The following NR6A1 variants were observed in gnomAD, a reference collection of about 807,000 sequenced individuals.
The protein encoded by NR6A1 is nuclear receptor subfamily 6 group A member 1.
A neutral mutation model predicts 59.1 loss-of-function variants in NR6A1; 7 were observed. That is an observed-to-expected ratio of 0.12 (90% CI 0.07 to 0.22). The LOEUF (loss-of-function observed/expected upper bound fraction) is 0.22. Ranked by LOEUF, NR6A1 falls within the 10% of genes least tolerant of loss-of-function variation. NR6A1 has a pLI of 1.00. For missense variants in NR6A1, 468 were observed against 611.6 expected (o/e 0.77, Z 2.48); for synonymous variants, 243 against 236.1 (o/e 1.03, Z -0.27).
chr9:124,585,462 T>G (rs1834892586), intron 2 of NR6A1, among the ~76,000 whole-genome samples: 1 of 142,422 alleles, frequency 7.0e-6, no homozygotes, highest in Non-Finnish European at 1.5e-5. Context: ...GAGAATGGTG[T>G]AAACCCAGGA....
In NR6A1 at chr9:124,615,067, T is replaced by A. The variant is rs1345469282; in HGVS notation, c.143-60497A>T. ...ATTCCACTGAATGTTTCTATTCAGA[T>A]CAAGTTAATACAAAGTTGGAGAGCT... On this transcript the variant is annotated intron_variant, in intron 2 of 9. Transcript: ENST00000487099. Among the ~76,000 whole-genome samples the A allele has an allele frequency of 2.6e-5, 4 of 152,340 alleles. No individual in the cohort carries two copies. In the South Asian group the frequency reaches 8.3e-4, roughly 32 times the overall value.
chr9:124,565,343 C>A (rs1834208924), intron 2 of NR6A1, among the ~76,000 whole-genome samples: 1 of 152,156 alleles, frequency 6.6e-6, no homozygotes, highest in African/African-American at 2.4e-5. Flanking sequence ...ATGAGAATCG[C>A]TTGAACTCAG....
Position 124,771,060 on chromosome 9 carries a change from G to A in NR6A1, c.60C>T (p.Phe20=). 1 of 1,230,544 alleles carries A rather than the reference G, an allele frequency of 8.1e-7. No individual in the cohort carries two copies. The highest frequency in any genetic ancestry group is 1.0e-6 in the Non-Finnish European group (1 of 987,186). 76.2% of individuals were successfully genotyped at this position (1,230,544 alleles called of 1,614,324 possible). A position where few individuals can be genotyped will look rare whatever the true frequency, so the allele number is the denominator to read the frequency against. Residue 20 remains phenylalanine (F), a synonymous_variant, in exon 1 of 10, where the codon TTC becomes TTT. Transcript: ENST00000487099. The stretch of plus-strand genomic sequence containing the variant: ...GAGGGAGCGCGGCGGGAGGCTCCAG[G>A]AACCCCGCCGAGCCCCCGCCGCCTC... ...GGGGGGGSAG[F]LEPPAALPPP...
rs1267271450 is a variant in NR6A1 at position 124,518,513 on chromosome 9, AC to A, written c.*4191del. 6.6e-5 allele frequency: 10 copies of A among 152,050 alleles called. No individual in the cohort carries two copies. Among genetic ancestry groups the A allele is most frequent in the African/African-American group, 2.2e-4 (9 of 41,484 alleles). The allele number at this position is 152,050 out of a possible 1,614,324, so 9.4% of individuals were successfully genotyped here. ...ACATCCCTGAGCTGTGGCCCCAGAA[AC>A]CCTTGTCTCCAGGCTAACCAGTTTC... On this transcript the variant is annotated 3_prime_UTR_variant, in exon 10 of 10. Coordinates refer to ENST00000487099, the MANE Select transcript of NR6A1 (RefSeq NM_033334.4).
At chr9:124,601,893 A>T (rs1370717996) in intron 2 of NR6A1, among the ~76,000 whole-genome samples, 1 of 152,014 alleles carries the variant, frequency 6.6e-6, no homozygotes, top group Admixed American at 6.6e-5. Flanking sequence ...GGTTGCAGTG[A>T]ACTGTGATCA....
At chr9:124,581,870 G>A (rs144029650) in intron 2 of NR6A1, among the ~76,000 whole-genome samples, 1,948 of 152,266 alleles carry the variant, frequency 0.013, 34 homozygotes, top group African/African-American at 0.044. Context: ...AAACCACAGT[G>A]AGATACCATC....
intron 2 of NR6A1, among the ~76,000 whole-genome samples, chr9:124,576,003 C>G (rs1322445925): frequency 1.3e-5 from 2 of 152,172 alleles, no homozygotes; most frequent in African/African-American, 4.8e-5. Flanking sequence ...GAGTGAGCTT[C>G]TAATTCTTGC....
At chr9:124,630,782 G>T (rs750907086) in intron 2 of NR6A1, among the ~76,000 whole-genome samples, 5 of 144,100 alleles carry the variant, frequency 3.5e-5, no homozygotes, top group Non-Finnish European at 7.4e-5. Context: ...GGGTTCAAGC[G>T]ATTCTCCTGC....
At chr9:124,612,722 TGGGTAA>T (rs1835785132) in intron 2 of NR6A1, among the ~76,000 whole-genome samples, 1 of 152,220 alleles carries the variant, frequency 6.6e-6, no homozygotes, top group African/African-American at 2.4e-5. Flanking sequence ...TCTTGTACTG[TGGGTAA>T]GGTAAACCCC....
chr9:124,696,524 T>TTC, intron 2 of NR6A1, among the ~76,000 whole-genome samples: 1 of 141,536 alleles, frequency 7.1e-6, no homozygotes, highest in African/African-American at 2.7e-5. Context: ...CTCTAGCTTT[T>TTC]TTTTTTTTTT....
At chr9:124,749,923 G>A (rs1840447779) in intron 1 of NR6A1, among the ~76,000 whole-genome samples, 1 of 152,206 alleles carries the variant, frequency 6.6e-6, no homozygotes, top group Non-Finnish European at 1.5e-5. Flanking sequence ...TGGACTTCCA[G>A]AGTAAGAGAT....
At chr9:124,554,606 T>A (rs373245184) in intron 2 of NR6A1, 36 bp from the exon 3 acceptor site, 280 of 1,613,240 alleles carry the variant, frequency 1.7e-4, no homozygotes, top group Non-Finnish European at 2.3e-4. Context: ...GTGGAAATAA[T>A]GGCTTTAAGC....
chr9:124,578,983 T>C (rs1052022268), intron 2 of NR6A1, among the ~76,000 whole-genome samples: 2 of 152,222 alleles, frequency 1.3e-5, no homozygotes, highest in African/African-American at 4.8e-5. Context: ...CAAGGTGCTA[T>C]AGAATTGTGA....
chr9:124,564,243 T>C (rs1261575846), intron 2 of NR6A1, among the ~76,000 whole-genome samples: 1 of 152,148 alleles, frequency 6.6e-6, no homozygotes, highest in East Asian at 1.9e-4. Flanking sequence ...AAGAAACCTA[T>C]ACCAACAATC....
At chr9:124,683,158 C>T (rs535820733) in intron 2 of NR6A1, among the ~76,000 whole-genome samples, 16 of 151,416 alleles carry the variant, frequency 1.1e-4, no homozygotes, top group African/African-American at 1.9e-4. Flanking sequence ...GCTGGGATCA[C>T]GCCACTACAC....
chr9:124,703,410 G>A (rs1251214379), intron 2 of NR6A1, among the ~76,000 whole-genome samples: 1 of 149,802 alleles, frequency 6.7e-6, no homozygotes, highest in East Asian at 2.0e-4. Flanking sequence ...CAGGCTCTAT[G>A]TTACCCAGGC....
intron 2 of NR6A1, among the ~76,000 whole-genome samples, chr9:124,596,306 TG>T (rs1174044440): frequency 2.0e-5 from 3 of 151,584 alleles, no homozygotes; most frequent in Non-Finnish European, 4.4e-5. Context: ...AGGGTTTTTC[TG>T]GGGGGTATGG....
At chr9:124,704,909 G>A (rs947419334) in intron 2 of NR6A1, among the ~76,000 whole-genome samples, 21 of 151,916 alleles carry the variant, frequency 1.4e-4, no homozygotes, top group Admixed American at 2.6e-4. Context: ...CGAATTTCTG[G>A]TATGTTTTTG....
intron 2 of NR6A1, among the ~76,000 whole-genome samples, chr9:124,595,184 C>T (rs775397338): frequency 7.9e-5 from 12 of 152,274 alleles, no homozygotes; most frequent in Admixed American, 3.3e-4. Context: ...ATTACATACA[C>T]ACACATGCAG....
Sources: gnomAD v4.1 joint callset for allele counts (sites outside exome capture counted in the v4.1 genomes callset) on GRCh38, gnomAD v4.1.1 for gene constraint, MANE v1.5 for transcripts, NCBI Gene and HGNC (gene_info 2026-07-23, HGNC 2026-07-21) for gene names.